Variants in SAMD12 observed in about 807,000 individuals in gnomAD.
SAMD12 encodes the protein sterile alpha motif domain containing 12.
SAMD12 carries 9 observed loss-of-function variants against 15.0 expected under a neutral mutation model. The observed-to-expected ratio is 0.60, with a 90% confidence interval of 0.36 to 1.05. SAMD12 has a LOEUF of 1.05. Among genes scored for constraint, SAMD12 ranks in the 50% least tolerant of loss-of-function variants. The probability of loss-of-function intolerance (pLI) is 0.01; values close to 1 mark genes in which losing one functional copy is unlikely to be tolerated. For synonymous variants in SAMD12, 86 were observed against 90.1 expected (o/e 0.96, Z 0.25); for missense variants, 230 against 234.2 (o/e 0.98, Z 0.12).
chr8:118,611,476 C>T (rs1186752210), intron 1 of SAMD12, among the ~76,000 whole-genome samples: 1 of 152,202 alleles, frequency 6.6e-6, no homozygotes, highest in Non-Finnish European at 1.5e-5. Context: ...CCGTCTCCAA[C>T]TCCATCCATC....
At chr8:118,510,675 C>A (rs1029157906) in intron 2 of SAMD12, among the ~76,000 whole-genome samples, 1 of 152,158 alleles carries the variant, frequency 6.6e-6, no homozygotes, top group African/African-American at 2.4e-5. Flanking sequence ...GAGAGTGGCA[C>A]CTGTTGGTCA....
intron 3 of SAMD12, among the ~76,000 whole-genome samples, chr8:118,390,207 A>G (rs946939802): frequency 6.6e-6 from 1 of 152,026 alleles, no homozygotes; most frequent in African/African-American, 2.4e-5. Flanking sequence ...ACGGGGTTTC[A>G]CCATGTTAGC....
chr8:118,322,225 C>G (rs1366173344), intron 4 of SAMD12, among the ~76,000 whole-genome samples: 3 of 152,190 alleles, frequency 2.0e-5, no homozygotes, highest in Non-Finnish European at 2.9e-5. Context: ...CCCACAATTA[C>G]TCTCTCTCTC....
chr8:118,583,688 C>T (rs149968875), intron 1 of SAMD12, among the ~76,000 whole-genome samples: 5 of 152,300 alleles, frequency 3.3e-5, no homozygotes, highest in East Asian at 3.9e-4. Context: ...ATCTCCTGCT[C>T]TTTGGGAGGC....
rs578119737 is a variant in SAMD12 at position 118,584,207 on chromosome 8, T to C, written c.14-3314A>G. ...TCCTCCACTGCAAACTCCCCAGTAG[T>C]TGATTTAGGTTTTTGTACTTAGAAT... On this transcript the variant is annotated intron_variant, in intron 1 of 3. Transcript: ENST00000314727. Among the ~76,000 whole-genome samples the C allele has an allele frequency of 2.0e-5, 3 of 152,334 alleles. No individual in the cohort carries two copies. The South Asian group carries it at 6.2e-4, about 32-fold the overall frequency.
chr8:118,149,232 G>A, the SAMD12 span, among the ~76,000 whole-genome samples: 2 of 152,162 alleles, frequency 1.3e-5, no homozygotes, highest in Non-Finnish European at 2.9e-5. Flanking sequence ...CTCCCAAAAT[G>A]CTGGGATTAC....
chr8:118,481,398 A>G (rs1466014449), intron 2 of SAMD12, among the ~76,000 whole-genome samples: 1 of 152,206 alleles, frequency 6.6e-6, no homozygotes, highest in Non-Finnish European at 1.5e-5. Flanking sequence ...GAGCTAAAAC[A>G]ATATTTGCTG....
exon 5 of SAMD12, chr8:118,191,850 A>AGAGAGT (rs1306244240): frequency 4.9e-5 from 6 of 122,576 alleles, no homozygotes; most frequent in Admixed American, 1.6e-4. Context: ...AGAGAGAGAG[A>AGAGAGT]GTGAGAAAAG....
chr8:118,457,751 T>A (rs1247918750), intron 2 of SAMD12, among the ~76,000 whole-genome samples: 1 of 152,176 alleles, frequency 6.6e-6, no homozygotes, highest in African/African-American at 2.4e-5. Flanking sequence ...TGGCTCTTAT[T>A]ATTAGAAAGA....
chr8:118,499,515 C>T (rs1824717552), intron 2 of SAMD12, among the ~76,000 whole-genome samples: 1 of 152,166 alleles, frequency 6.6e-6, no homozygotes, highest in Non-Finnish European at 1.5e-5. Context: ...GGTAATAATA[C>T]CTCTCCTGCC....
In SAMD12 at chr8:118,231,425, A is replaced by G. The variant is rs557361338; in HGVS notation, c.434-33693T>C. Among the ~76,000 whole-genome samples the G allele has an allele frequency of 5.9e-5, 9 of 152,276 alleles. No individual in the cohort carries two copies. The South Asian group carries it at 1.9e-3, about 32-fold the overall frequency. On this transcript the variant is annotated intron_variant, in intron 4 of 4. Transcript: ENST00000409003. Reference sequence around the variant, plus strand: ...TTCCAATAATTCATTCATTCGACCCATATTCATTGAACAGAACCTATATCC... The same window carrying G: ...TTCCAATAATTCATTCATTCGACCCGTATTCATTGAACAGAACCTATATCC...
intron 4 of SAMD12, among the ~76,000 whole-genome samples, chr8:118,298,544 C>T (rs1484618478): frequency 6.6e-6 from 1 of 152,166 alleles, no homozygotes; most frequent in East Asian, 1.9e-4. Flanking sequence ...ATTTTAGCTA[C>T]TTCTTGCAGC....
chr8:118,165,639 T>TAC, the SAMD12 span, among the ~76,000 whole-genome samples: 7 of 138,310 alleles, frequency 5.1e-5, no homozygotes, highest in African/African-American at 1.8e-4. Context: ...TATATATACA[T>TAC]ATATATATAT....
At chr8:118,359,272 TG>T (rs1260668248) in intron 4 of SAMD12, among the ~76,000 whole-genome samples, 1 of 152,270 alleles carries the variant, frequency 6.6e-6, no homozygotes, top group East Asian at 1.9e-4. Context: ...AGGGTTAAGT[TG>T]GACATAGACA....
intron 4 of SAMD12, among the ~76,000 whole-genome samples, chr8:118,295,872 T>C (rs960850901): frequency 2.0e-5 from 3 of 152,132 alleles, no homozygotes; most frequent in Admixed American, 2.0e-4. Flanking sequence ...TTTGAACTCC[T>C]GGCCTCAAGT....
At chr8:118,213,110 T>C (rs1386115056) in intron 4 of SAMD12, among the ~76,000 whole-genome samples, 1 of 152,172 alleles carries the variant, frequency 6.6e-6, no homozygotes, top group African/African-American at 2.4e-5. Flanking sequence ...AAAATTTATA[T>C]TACAGGAAAT....
chr8:118,306,342 C>A (rs745948216), intron 4 of SAMD12, among the ~76,000 whole-genome samples: 7 of 152,160 alleles, frequency 4.6e-5, no homozygotes, highest in Non-Finnish European at 1.0e-4. Flanking sequence ...AGCTGTGATT[C>A]TGCCTCTCAG....
At chr8:118,175,315 C>T in the SAMD12 span, among the ~76,000 whole-genome samples, 130 of 152,162 alleles carry the variant, frequency 8.5e-4, no homozygotes, top group African/African-American at 3.0e-3. Context: ...GACACTGGAC[C>T]CCTAGTTTTA....
intron 3 of SAMD12, among the ~76,000 whole-genome samples, chr8:118,387,070 T>C (rs1214521744): frequency 6.6e-6 from 1 of 152,210 alleles, no homozygotes; most frequent in African/African-American, 2.4e-5. Flanking sequence ...ACCAAGCAAA[T>C]GCCTGTTGCT....
Sources: allele counts gnomAD v4.1 joint callset (sites outside exome capture counted in the v4.1 genomes callset), GRCh38; gene constraint gnomAD v4.1.1; transcripts MANE v1.5; gene names NCBI Gene and HGNC (gene_info 2026-07-23, HGNC 2026-07-21).